The following IGF2BP2 variants were observed in gnomAD, a reference collection of about 807,000 sequenced individuals.
IGF2BP2 encodes insulin like growth factor 2 mRNA binding protein 2, also known as insulin-like growth factor 2 mRNA-binding protein 2.
IGF2BP2 carries 17 observed loss-of-function variants against 75.8 expected under a neutral mutation model. The ratio of observed to expected loss-of-function variants is 0.22; its 90% CI spans 0.15 to 0.34. The LOEUF (loss-of-function observed/expected upper bound fraction) is 0.34, where lower values mean the gene tolerates loss of function less well. Among genes scored for constraint, IGF2BP2 ranks in the 10% least tolerant of loss-of-function variants. IGF2BP2 has a pLI of 1.00. For missense variants in IGF2BP2, 516 were observed against 772.4 expected (o/e 0.67, Z 3.93); for synonymous variants, 288 against 295.6 (o/e 0.97, Z 0.26).
At chr3:185,674,341 T>C (rs1254679743) in intron 9 of IGF2BP2, among the ~76,000 whole-genome samples, 3 of 152,186 alleles carry the variant, frequency 2.0e-5, no homozygotes, top group African/African-American at 4.8e-5. Context: ...TATTGGAGCA[T>C]CCATTCACTT....
chr3:185,753,882 A>G (rs1289311123), intron 2 of IGF2BP2, among the ~76,000 whole-genome samples: 1 of 152,064 alleles, frequency 6.6e-6, no homozygotes, highest in African/African-American at 2.4e-5. Flanking sequence ...GTTCTCACTC[A>G]GTTAGTGCAT....
At chr3:185,659,045 T>TC (rs1489066664) in intron 10 of IGF2BP2, among the ~76,000 whole-genome samples, 8 of 151,976 alleles carry the variant, frequency 5.3e-5, no homozygotes, top group Non-Finnish European at 1.2e-4. Context: ...AGAGATCCCA[T>TC]CTGTATAAAA....
At chr3:185,711,208 AT>A (rs1436064844) in intron 2 of IGF2BP2, among the ~76,000 whole-genome samples, 1 of 152,206 alleles carries the variant, frequency 6.6e-6, no homozygotes, top group Non-Finnish European at 1.5e-5. Context: ...TTTATAACCA[AT>A]TTTGGGAGAC....
intron 7 of IGF2BP2, among the ~76,000 whole-genome samples, chr3:185,677,117 A>T (rs1156996702): frequency 7.0e-6 from 1 of 143,292 alleles, no homozygotes; most frequent in Non-Finnish European, 1.5e-5. Context: ...ATGTATATAT[A>T]TCCAGTAAAA....
intron 2 of IGF2BP2, among the ~76,000 whole-genome samples, chr3:185,814,495 T>C (rs2150031007): frequency 6.6e-6 from 1 of 152,280 alleles, no homozygotes. Flanking sequence ...AATGAATTGG[T>C]ATGAGGTTAA....
In IGF2BP2 at chr3:185,644,601, G is replaced by GA. The variant is rs1713196585; in HGVS notation, c.*929_*930insT. On this transcript the variant is annotated 3_prime_UTR_variant, in exon 16 of 16. Coordinates refer to ENST00000382199, the MANE Select transcript of IGF2BP2 (RefSeq NM_006548.6). ...GCACTGCTTTGCCTGGGGGGGGGGG[G>GA]GTGCGTAGATACGGGATTGAGATGG... 7.2e-6 allele frequency: 1 copy of GA among 138,736 alleles called. No individual in the cohort carries two copies. The highest frequency in any genetic ancestry group is 1.6e-5 in the Non-Finnish European group (1 of 63,088). The allele number at this position is 138,736 out of a possible 1,614,324, so 8.6% of individuals were successfully genotyped here. A position where few individuals can be genotyped will look rare whatever the true frequency, so the allele number is the denominator to read the frequency against.
Position 185,645,730 on chromosome 3 carries a change from T to C in IGF2BP2, c.1708-107A>G, listed in dbSNP as rs955547768. 1.3e-6 allele frequency: 1 copy of C among 790,736 alleles called. No homozygotes were observed. The highest frequency in any genetic ancestry group is 2.5e-5 in the East Asian group (1 of 39,472). The allele number at this position is 790,736 out of a possible 1,614,324, so 49.0% of individuals were successfully genotyped here. On this transcript the variant is annotated intron_variant, in intron 15 of 15. Transcript: ENST00000382199. The surrounding 1 kb of genome is among the most constrained non-coding windows in gnomAD (Gnocchi z 4.9). ...TGGGGCTTGGGGATGAAGGGTGGAATGCTCAGACAAGCATCATCTACCCAC... is the reference window on the plus strand; with the variant it reads ...TGGGGCTTGGGGATGAAGGGTGGAACGCTCAGACAAGCATCATCTACCCAC...
chr3:185,824,466 A>G (rs1741775954), intron 1 of IGF2BP2, among the ~76,000 whole-genome samples: 1 of 150,762 alleles, frequency 6.6e-6, no homozygotes, highest in African/African-American at 2.4e-5. Flanking sequence ...GGGGAAGCTC[A>G]GAGCAGCCCG....
chr3:185,666,521 C>T (rs1717657784), intron 10 of IGF2BP2, among the ~76,000 whole-genome samples: 1 of 152,038 alleles, frequency 6.6e-6, no homozygotes, highest in African/African-American at 2.4e-5. Flanking sequence ...GTAATCCCAG[C>T]TGGGAGGCTG....
At chr3:185,780,999 T>G (rs1459886089) in intron 2 of IGF2BP2, among the ~76,000 whole-genome samples, 1 of 152,206 alleles carries the variant, frequency 6.6e-6, no homozygotes, top group Non-Finnish European at 1.5e-5. Context: ...GGCAGTTTTT[T>G]GGCAGCTTCA....
intron 2 of IGF2BP2, among the ~76,000 whole-genome samples, chr3:185,734,603 T>C (rs1202509807): frequency 1.3e-5 from 2 of 152,222 alleles, no homozygotes; most frequent in Non-Finnish European, 2.9e-5. Context: ...ATTATCTTTA[T>C]AGGTTTCCAA....
chr3:185,679,782 A>G (rs1423332878), intron 7 of IGF2BP2, among the ~76,000 whole-genome samples: 1 of 151,982 alleles, frequency 6.6e-6, no homozygotes. Context: ...ACACCCGGCT[A>G]ATTTTGTATT....
At chr3:185,698,630 A>G (rs1281188173) in intron 2 of IGF2BP2, among the ~76,000 whole-genome samples, 2 of 151,204 alleles carry the variant, frequency 1.3e-5, no homozygotes, top group Non-Finnish European at 2.9e-5. Context: ...TCAGCCTCCC[A>G]AATAGCTGGG....
chr3:185,808,106 C>A (rs75322411), intron 2 of IGF2BP2, among the ~76,000 whole-genome samples: 1 of 144,980 alleles, frequency 6.9e-6, no homozygotes, highest in Non-Finnish European at 1.5e-5. Flanking sequence ...ATGCCAAGAC[C>A]TCGTTTCTTT....
chr3:185,687,034 C>G (rs767224199), intron 7 of IGF2BP2, 23 bp downstream of exon 7: 2 of 1,608,282 alleles, frequency 1.2e-6, no homozygotes, highest in South Asian at 2.2e-5. Context: ...GTTGAGTGAT[C>G]TGGGCATTGC....
At chr3:185,809,677 TA>T (rs1430558304) in intron 2 of IGF2BP2, among the ~76,000 whole-genome samples, 1 of 151,976 alleles carries the variant, frequency 6.6e-6, no homozygotes, top group African/African-American at 2.4e-5. Context: ...TTTAATAAAG[TA>T]AAAAGTTTTA....
chr3:185,765,222 T>A (rs1732886712), intron 2 of IGF2BP2, among the ~76,000 whole-genome samples: 1 of 152,140 alleles, frequency 6.6e-6, no homozygotes, highest in Admixed American at 6.5e-5. Flanking sequence ...CTCTACACAC[T>A]GTTTCCCCCT....
intron 2 of IGF2BP2, among the ~76,000 whole-genome samples, chr3:185,736,351 T>C (rs1351195719): frequency 2.0e-5 from 3 of 152,156 alleles, no homozygotes; most frequent in Non-Finnish European, 4.4e-5. Flanking sequence ...AAATTCTGAT[T>C]TAGTTTGAAG....
chr3:185,747,271 G>C (rs1332575874), intron 2 of IGF2BP2, among the ~76,000 whole-genome samples: 1 of 152,114 alleles, frequency 6.6e-6, no homozygotes, highest in Non-Finnish European at 1.5e-5. Flanking sequence ...CTGAAAACTG[G>C]TAACGCTACG....
Sources: gnomAD v4.1 joint callset for allele counts (sites outside exome capture counted in the v4.1 genomes callset) on GRCh38, gnomAD v4.1.1 for gene constraint, Gnocchi (gnomAD v3.1) non-coding constraint, MANE v1.5 for transcripts, NCBI Gene and HGNC (gene_info 2026-07-23, HGNC 2026-07-21) for gene names.